Variants in XYLB observed in about 807,000 individuals in gnomAD.
XYLB encodes the protein xylulose kinase.
XYLB carries 62 observed loss-of-function variants against 78.7 expected under a neutral mutation model. The observed-to-expected ratio is 0.79, with a 90% confidence interval of 0.64 to 0.97. XYLB has a LOEUF of 0.97. Ranked by LOEUF, XYLB falls within the 50% of genes least tolerant of loss-of-function variation. The pLI, the probability that XYLB is intolerant of heterozygous loss-of-function variation, is 0.00. For synonymous variants in XYLB, 245 were observed against 247.4 expected (o/e 0.99, Z 0.09); for missense variants, 687 against 676.8 (o/e 1.02, Z -0.17).
chr3:38,385,253 G>A (rs757312768), intron 15 of XYLB, among the ~76,000 whole-genome samples: 18 of 152,034 alleles, frequency 1.2e-4, no homozygotes, highest in Non-Finnish European at 2.1e-4. Context: ...ACTCATCTTG[G>A]CCTCCAAAGT....
chr3:38,372,567 C>T, intron 9 of XYLB, 88 bp from the exon 10 acceptor site: 8 of 1,602,962 alleles, frequency 5.0e-6, no homozygotes, highest in African/African-American at 4.0e-5. Flanking sequence ...GAGACTGTAG[C>T]GTTTTCGTGG....
chr3:38,379,137 G>A, intron 14 of XYLB, 109 bp from the exon 15 acceptor site: 1 of 1,108,048 alleles, frequency 9.0e-7, no homozygotes, highest in Non-Finnish European at 1.4e-6. Context: ...CCAGCTATGA[G>A]TTTCAAATCT....
chr3:38,381,451 G>A (rs1245544768), intron 15 of XYLB, among the ~76,000 whole-genome samples: 2 of 152,198 alleles, frequency 1.3e-5, no homozygotes, highest in Non-Finnish European at 2.9e-5. Flanking sequence ...AAAAAGAACA[G>A]GATAACAGCA....
At chr3:38,439,761 C>CAAA in the XYLB span, among the ~76,000 whole-genome samples, 1 of 136,302 alleles carries the variant, frequency 7.3e-6, no homozygotes, top group African/African-American at 2.8e-5. Flanking sequence ...GACTCCGTCT[C>CAAA]AAAAAAAAAA....
chr3:38,391,481 G>A (rs1707653232), intron 15 of XYLB, among the ~76,000 whole-genome samples: 1 of 152,132 alleles, frequency 6.6e-6, no homozygotes, highest in Admixed American at 6.5e-5. Context: ...GTGATTTGCT[G>A]CTTTAGATCA....
chr3:38,358,727 G>A (rs1053722926), intron 2 of XYLB, among the ~76,000 whole-genome samples: 5 of 152,098 alleles, frequency 3.3e-5, no homozygotes, highest in Non-Finnish European at 7.4e-5. Flanking sequence ...ACATTTTTTG[G>A]TGAGCTTTTA....
At position 38,355,897 on chromosome 3, in the gene XYLB, G is replaced by C. The variant is rs1043085540; in HGVS notation, c.141-4442G>C. The C allele has an allele frequency of 4.6e-6, 3 of 657,004 alleles. No individual in the cohort carries two copies. The African/African-American group carries it at 5.5e-5, about 12-fold the overall frequency. The allele number at this position is 657,004 out of a possible 1,614,324, so 40.7% of individuals were successfully genotyped here. On this transcript the variant is annotated intron_variant, in intron 2 of 18. Transcript: ENST00000207870. ...GAGAAAGAAACTTCAGCTGTATCAA[G>C]CCATAGAAATGTGTTTTTCCTTAAC...
chr3:38,417,205 G>A (rs1318300289), downstream of XYLB, among the ~76,000 whole-genome samples: 3 of 152,188 alleles, frequency 2.0e-5, no homozygotes, highest in Non-Finnish European at 4.4e-5. Flanking sequence ...GGAGGCTGAG[G>A]CAGGTGGATC....
the XYLB span, among the ~76,000 whole-genome samples, chr3:38,443,985 G>C: frequency 6.6e-6 from 1 of 151,838 alleles, no homozygotes; most frequent in South Asian, 2.1e-4. Context: ...CTTGCTGACC[G>C]GTAGGGAATT....
chr3:38,426,847 GA>G, the XYLB span, among the ~76,000 whole-genome samples: 1 of 152,184 alleles, frequency 6.6e-6, no homozygotes, highest in Non-Finnish European at 1.5e-5. Flanking sequence ...ACATGCTCAT[GA>G]TGGCTGTCAT....
the XYLB span, among the ~76,000 whole-genome samples, chr3:38,435,890 T>C: frequency 6.6e-6 from 1 of 152,072 alleles, no homozygotes; most frequent in Admixed American, 6.6e-5. Flanking sequence ...AAAAATTCTT[T>C]AAGGAAATGA....
At chr3:38,437,154 T>G in the XYLB span, among the ~76,000 whole-genome samples, 1 of 151,744 alleles carries the variant, frequency 6.6e-6, no homozygotes, top group Non-Finnish European at 1.5e-5. Flanking sequence ...ATCAACAGAA[T>G]GAAGGACAAA....
At chr3:38,410,379 C>T (rs370556130) in intron 18 of XYLB, among the ~76,000 whole-genome samples, 1 of 151,866 alleles carries the variant, frequency 6.6e-6, no homozygotes, top group African/African-American at 2.4e-5. Context: ...ATACAAAAAT[C>T]AATTCAAGAT....
the XYLB span, among the ~76,000 whole-genome samples, chr3:38,433,521 G>T: frequency 1.2e-4 from 18 of 152,240 alleles, no homozygotes; most frequent in African/African-American, 4.3e-4. Flanking sequence ...TCCTTTGAAC[G>T]CTTTGTCAAT....
chr3:38,356,119 C>T (rs113635865), intron 2 of XYLB: 5,692 of 191,306 alleles, frequency 0.03, 127 homozygotes, highest in Middle Eastern at 0.062. Flanking sequence ...GGCTTGGTGC[C>T]GGGCGCCTGT....
chr3:38,409,617 T>A (rs990086634), intron 18 of XYLB, among the ~76,000 whole-genome samples: 4 of 152,230 alleles, frequency 2.6e-5, no homozygotes, highest in African/African-American at 7.2e-5. Flanking sequence ...GCAGATGACA[T>A]GATTGTATAT....
intron 9 of XYLB, chr3:38,370,382 C>T (rs1706494339): frequency 2.0e-6 from 1 of 489,804 alleles, no homozygotes; most frequent in Non-Finnish European, 3.6e-6. Flanking sequence ...AGTAGGTGCT[C>T]AGGTACATGC....
intron 2 of XYLB, chr3:38,355,733 G>A (rs769880387): frequency 1.4e-6 from 1 of 703,434 alleles, no homozygotes; most frequent in South Asian, 1.5e-5. Flanking sequence ...GGCTGATGTG[G>A]GTGTCCAGAG....
In XYLB at chr3:38,348,625, G is replaced by A. The variant is rs1166017318; in HGVS notation, c.133G>A (p.Glu45Lys). 6.2e-7 allele frequency: 1 copy of A among 1,614,070 alleles called. No individual in the cohort carries two copies. Among genetic ancestry groups the A allele is most frequent in the African/African-American group, 1.3e-5 (1 of 74,938 alleles). ...TGTGCATTTTGACAGAGATCTTCCA[G>A]AATTTGGGTATGTACTTGATGTGCA... ...ESVHFDRDLP[E>K]FGTQGGVHVH... The change falls in exon 2 of 19, where the codon GAA becomes AAA. Residue 45 changes from glutamate to lysine, a missense_variant. Glu to Lys is a moderately conservative substitution (Grantham distance 56, BLOSUM62 1). Transcript: ENST00000207870.
Sources: gnomAD v4.1 joint callset for allele counts (sites outside exome capture counted in the v4.1 genomes callset) on GRCh38, gnomAD v4.1.1 for gene constraint, MANE v1.5 for transcripts, NCBI Gene and HGNC (gene_info 2026-07-23, HGNC 2026-07-21) for gene names.